The following NLN variants were observed in gnomAD, a reference collection of about 807,000 sequenced individuals.
NLN encodes the protein neurolysin.
In NLN, 64 loss-of-function variants were observed where a neutral mutation model predicts 79.9. The ratio of observed to expected loss-of-function variants is 0.80; its 90% confidence interval spans 0.65 to 0.99. The LOEUF is 0.99. NLN is among the 50% of genes least tolerant of loss of function. NLN has a pLI of 0.00. For synonymous variants in NLN, 267 were observed against 296.6 expected (o/e 0.90, Z 1.02); for missense variants, 835 against 858.7 (o/e 0.97, Z 0.34).
chr5:65,767,794 A>G (rs1367269308), intron 3 of NLN, among the ~76,000 whole-genome samples: 1 of 152,174 alleles, frequency 6.6e-6, no homozygotes. Flanking sequence ...CACCCAGGCC[A>G]CCTCTTGAAT....
At chr5:65,769,982 A>G (rs1299297098) in intron 3 of NLN, among the ~76,000 whole-genome samples, 2 of 152,232 alleles carry the variant, frequency 1.3e-5, no homozygotes, top group South Asian at 4.1e-4. Context: ...GGCCTTCGGT[A>G]ATTGCTGGGA....
Position 65,724,805 on chromosome 5 carries a change from T to C in NLN, c.41+2391T>C, listed in dbSNP as rs1412715620. Among the ~76,000 whole-genome samples the C allele has an allele frequency of 1.0e-2, 868 of 87,098 alleles. 5 individuals carry two copies. The highest frequency in any genetic ancestry group is 0.032 in the African/African-American group (817 of 25,440). 57.1% of individuals were successfully genotyped at this position (87,098 alleles called of 152,430 possible). On this transcript the variant is annotated intron_variant, in intron 1 of 12. Coordinates refer to ENST00000380985, the MANE Select transcript of NLN (RefSeq NM_020726.5). ...AGTGGCATTGTTTCTTTTTTTTTTC[T>C]TTTTTTTTTTTTTTGAGACAGAGTC...
At chr5:65,722,647 C>A in intron 1 of NLN, 1 of 520,564 alleles carries the variant, frequency 1.9e-6, no homozygotes. Context: ...TTGTTTGGGA[C>A]TGCCTCAGCC....
chr5:65,777,208 T>C lies in NLN; in HGVS notation c.451-219T>C, dbSNP rs574196670. Among the ~76,000 whole-genome samples the C allele has an allele frequency of 1.2e-3, 184 of 152,354 alleles. 1 individual carries two copies. The highest frequency in any genetic ancestry group is 2.2e-3 in the Non-Finnish European group (152 of 68,032). Reference sequence around the variant, plus strand: ...CTGATTTTGATTCAAGGCAAGGAAATTCTAGTTAGCTTTTTATTTATTTAA... The same window carrying C: ...CTGATTTTGATTCAAGGCAAGGAAACTCTAGTTAGCTTTTTATTTATTTAA... On this transcript the variant is annotated intron_variant, in intron 3 of 12. Coordinates refer to ENST00000380985, the MANE Select transcript of NLN (RefSeq NM_020726.5).
chr5:65,762,936 G>A (rs1201094194), intron 2 of NLN, 24 bp from the exon 3 acceptor site: 2 of 1,611,082 alleles, frequency 1.2e-6, no homozygotes, highest in Non-Finnish European at 1.7e-6. Context: ...GTTGTGTGGT[G>A]ATAGTTTTTT....
rs11403265 is a variant in NLN, at chr5:65,783,703, TA to T, written c.823-2056del. 8.3e-3 allele frequency among the ~76,000 whole-genome samples: 1,112 copies of T among 133,276 alleles called. 8 individuals are homozygous for T. The highest frequency in any genetic ancestry group is 0.021 in the African/African-American group (725 of 34,980). The allele number at this position is 133,276 out of a possible 152,430, so 87.4% of individuals were successfully genotyped here. ...GGCAAGACCTCACCTCTATGAAAATTAAAAAAAAAAAAAAAATTCAGAGTTA... is the reference window on the plus strand; with the variant it reads ...GGCAAGACCTCACCTCTATGAAAATTAAAAAAAAAAAAAAATTCAGAGTTA... On this transcript the variant is annotated intron_variant, in intron 6 of 12. Transcript: ENST00000380985.
chr5:65,817,608 T>C (rs1409826910), intron 12 of NLN, among the ~76,000 whole-genome samples: 2 of 152,228 alleles, frequency 1.3e-5, no homozygotes, highest in African/African-American at 4.8e-5. Flanking sequence ...CTCTTTTGCA[T>C]TTGAAGAAAT....
chr5:65,754,424 C>G (rs775502503), intron 1 of NLN, among the ~76,000 whole-genome samples: 40 of 152,054 alleles, frequency 2.6e-4, no homozygotes, highest in Non-Finnish European at 5.4e-4. Flanking sequence ...AGAACGTGAA[C>G]TATGTTGGGG....
rs367711440 is a variant in NLN, at chr5:65,818,373, G to A, written c.1981-4408G>A. ...TTGGACCTGACGGTTTTCTCCATCC[G>A]CTTCCACTTCTCTACCCCCCCATAC... On this transcript the variant is annotated intron_variant, in intron 12 of 12. Coordinates refer to ENST00000380985, the MANE Select transcript of NLN (RefSeq NM_020726.5). 6.6e-5 allele frequency among the ~76,000 whole-genome samples: 10 copies of A among 151,970 alleles called. No individual in the cohort carries two copies. The South Asian group carries it at 1.5e-3, about 22-fold the overall frequency.
At chr5:65,773,850 C>G (rs538662860) in intron 3 of NLN, among the ~76,000 whole-genome samples, 1 of 151,946 alleles carries the variant, frequency 6.6e-6, no homozygotes, top group African/African-American at 2.4e-5. Flanking sequence ...GGCTGAGGTG[C>G]GAAGATCTAT....
intron 9 of NLN, among the ~76,000 whole-genome samples, chr5:65,795,245 A>G (rs1760151403): frequency 6.6e-6 from 1 of 152,052 alleles, no homozygotes; most frequent in South Asian, 2.1e-4. Flanking sequence ...TTGCAAGGCT[A>G]GGCATGGCAG....
At position 65,826,139 on chromosome 5, in the gene NLN, A is replaced by T. The variant is rs532298510; in HGVS notation, c.*3224A>T. 4 of 152,324 alleles carry T rather than the reference A, an allele frequency of 2.6e-5. No homozygotes were observed. The highest frequency in any genetic ancestry group is 9.6e-5 in the African/African-American group (4 of 41,562). The allele number at this position is 152,324 out of a possible 1,614,324, so 9.4% of individuals were successfully genotyped here. On this transcript the variant is annotated 3_prime_UTR_variant, in exon 13 of 13. Transcript: ENST00000380985. ...CAAAAGTGTCAGGTAGACATGTTAC[A>T]AATAGCTCTGTAGAGAGCCATGGGA...
At chr5:65,742,816 G>GT (rs1561182213) in intron 1 of NLN, among the ~76,000 whole-genome samples, 1 of 152,146 alleles carries the variant, frequency 6.6e-6, no homozygotes, top group African/African-American at 2.4e-5. Context: ...TCTTTATGAC[G>GT]TGTCTCTCAC....
At chr5:65,810,441 A>C (rs1434925995) in intron 11 of NLN, among the ~76,000 whole-genome samples, 1 of 152,228 alleles carries the variant, frequency 6.6e-6, no homozygotes, top group East Asian at 1.9e-4. Flanking sequence ...TCGTGTTGGC[A>C]GCACACTCTC....
rs749033022 is a variant in NLN at position 65,788,395 on chromosome 5, T to C, written c.1236T>C (p.His412=). 1.2e-6 allele frequency: 2 copies of C among 1,614,174 alleles called. No homozygotes were observed. Among genetic ancestry groups the C allele is most frequent in the Non-Finnish European group, 1.7e-6 (2 of 1,180,016 alleles). The change falls in exon 8 of 13, where the codon CAT becomes CAC. Residue 412 remains histidine, a synonymous_variant. Transcript: ENST00000380985. ...GLSFEQMTDA[H]VWNKSVTLYT... Reference sequence around the variant, plus strand: ...CATTTGAACAAATGACAGATGCTCATGTTTGGAACAAGAGTGTTACACTTT... The same window carrying C: ...CATTTGAACAAATGACAGATGCTCACGTTTGGAACAAGAGTGTTACACTTT...
chr5:65,789,553 G>GA (rs973759430), intron 8 of NLN, among the ~76,000 whole-genome samples: 1 of 152,162 alleles, frequency 6.6e-6, no homozygotes, highest in Non-Finnish European at 1.5e-5. Flanking sequence ...GAGGTGGGCA[G>GA]ATCACTTGAG....
At chr5:65,724,975 T>A (rs544388698) in intron 1 of NLN, among the ~76,000 whole-genome samples, 92 of 151,936 alleles carry the variant, frequency 6.1e-4, no homozygotes, top group Middle Eastern at 3.4e-3. Flanking sequence ...CTAATTTTTT[T>A]TTTTTATTTT....
intron 1 of NLN, among the ~76,000 whole-genome samples, chr5:65,757,096 A>T (rs1392927975): frequency 6.6e-6 from 1 of 152,180 alleles, no homozygotes; most frequent in African/African-American, 2.4e-5. Context: ...CTGTATTAGA[A>T]TGTCAGGGTC....
At chr5:65,772,388 G>A (rs1759587583) in intron 3 of NLN, among the ~76,000 whole-genome samples, 1 of 152,178 alleles carries the variant, frequency 6.6e-6, no homozygotes, top group Non-Finnish European at 1.5e-5. Flanking sequence ...GTATCTTCAT[G>A]CAGTGTGATG....
Sources: allele counts gnomAD v4.1 joint callset (sites outside exome capture counted in the v4.1 genomes callset), GRCh38; gene constraint gnomAD v4.1.1; transcripts MANE v1.5; gene names NCBI Gene and HGNC (gene_info 2026-07-23, HGNC 2026-07-21).